The following SLC35F4 variants were observed in gnomAD, a reference collection of about 807,000 sequenced individuals.
The protein encoded by SLC35F4 is solute carrier family 35 member F4, also known as chromosome 14 open reading frame 36.
A neutral mutation model predicts 44.2 loss-of-function variants in SLC35F4; 24 were observed. The observed-to-expected ratio is 0.54, with a 90% confidence interval of 0.39 to 0.76. The LOEUF is 0.76. SLC35F4 is among the 30% of genes least tolerant of loss of function. SLC35F4 has a pLI of 0.00. For missense variants in SLC35F4, 562 were observed against 586.1 expected, an observed-to-expected ratio of 0.96 and a Z score of 0.42; for synonymous variants, 238 against 223.6, an observed-to-expected ratio of 1.06 and a Z score of -0.57.
chr14:57,861,634 T>C (rs1887685605), intron 1 of SLC35F4, among the ~76,000 whole-genome samples: 1 of 152,210 alleles, frequency 6.6e-6, no homozygotes, highest in African/African-American at 2.4e-5. Flanking sequence ...GTCAACATTC[T>C]TGTCAAGATC....
chr14:57,710,619 G>A (rs2075794147), intron 1 of SLC35F4, among the ~76,000 whole-genome samples: 1 of 152,176 alleles, frequency 6.6e-6, no homozygotes, highest in Non-Finnish European at 1.5e-5. Flanking sequence ...CAAAGACACA[G>A]GGGTGGAGCT....
At chr14:57,966,691 T>C (rs1263512614) in intron 1 of SLC35F4, among the ~76,000 whole-genome samples, 3 of 152,138 alleles carry the variant, frequency 2.0e-5, no homozygotes, top group Non-Finnish European at 2.9e-5. Flanking sequence ...AAATCTAAGA[T>C]CAGATTGGTG....
intron 1 of SLC35F4, among the ~76,000 whole-genome samples, chr14:57,670,555 G>A (rs1217645137): frequency 6.6e-6 from 1 of 151,992 alleles, no homozygotes; most frequent in Admixed American, 6.6e-5. Context: ...TGGTTTCAAA[G>A]AACATCTTTA....
intron 1 of SLC35F4, among the ~76,000 whole-genome samples, chr14:57,751,013 C>T (rs1594958195): frequency 6.6e-6 from 1 of 152,134 alleles, no homozygotes; most frequent in Admixed American, 6.5e-5. Flanking sequence ...ATCTAGCACA[C>T]GTTACTTACA....
At chr14:57,786,098 T>C (rs1164117020) in intron 1 of SLC35F4, among the ~76,000 whole-genome samples, 1 of 152,046 alleles carries the variant, frequency 6.6e-6, no homozygotes, top group Non-Finnish European at 1.5e-5. Context: ...GGAGTGAGAC[T>C]GGCCTTCAGT....
chr14:57,927,604 C>T (rs571464757), intron 1 of SLC35F4, among the ~76,000 whole-genome samples: 10 of 151,804 alleles, frequency 6.6e-5, no homozygotes, highest in African/African-American at 2.4e-4. Flanking sequence ...AATTCTCCTG[C>T]CTCAGCCTCC....
chr14:57,687,731 T>C (rs2075108692), intron 1 of SLC35F4, among the ~76,000 whole-genome samples: 1 of 152,176 alleles, frequency 6.6e-6, no homozygotes, highest in Admixed American at 6.6e-5. Context: ...GTTTACCTCC[T>C]TTACTGGCCT....
intron 1 of SLC35F4, among the ~76,000 whole-genome samples, chr14:57,965,359 AG>A (rs1890418712): frequency 6.6e-6 from 1 of 152,078 alleles, no homozygotes; most frequent in African/African-American, 2.4e-5. Flanking sequence ...TCTACTTTTA[AG>A]GACCTCTTGG....
intron 1 of SLC35F4, among the ~76,000 whole-genome samples, chr14:57,900,381 C>T (rs1888974919): frequency 1.3e-5 from 2 of 152,146 alleles, no homozygotes; most frequent in African/African-American, 4.8e-5. Context: ...TGGAGTGATA[C>T]ACCAATTTGT....
chr14:57,653,117 C>G (rs933527249), intron 1 of SLC35F4, among the ~76,000 whole-genome samples: 1 of 152,086 alleles, frequency 6.6e-6, no homozygotes, highest in African/African-American at 2.4e-5. Context: ...TTCAATATCA[C>G]AAAAGTCACA....
At chr14:57,625,435 G>C (rs1468852570) in intron 1 of SLC35F4, among the ~76,000 whole-genome samples, 1 of 152,092 alleles carries the variant, frequency 6.6e-6, no homozygotes, top group African/African-American at 2.4e-5. Flanking sequence ...TTTCTTGAAA[G>C]AATTGGAAAA....
intron 1 of SLC35F4, among the ~76,000 whole-genome samples, chr14:57,802,221 T>C (rs1252860896): frequency 6.6e-6 from 1 of 152,156 alleles, no homozygotes; most frequent in Non-Finnish European, 1.5e-5. Context: ...AACCTACTCC[T>C]GAATGATTCT....
At chr14:57,825,810 G>C (rs767070689) in intron 1 of SLC35F4, among the ~76,000 whole-genome samples, 2 of 152,138 alleles carry the variant, frequency 1.3e-5, no homozygotes, top group Non-Finnish European at 2.9e-5. Flanking sequence ...CAGATAACAA[G>C]GGAAGTAAAG....
At chr14:57,927,544 G>T (rs1375890697) in intron 1 of SLC35F4, among the ~76,000 whole-genome samples, 1 of 150,680 alleles carries the variant, frequency 6.6e-6, no homozygotes, top group Non-Finnish European at 1.5e-5. Context: ...AGGCTGGAGT[G>T]CAGTGTCATG....
chr14:57,924,343 A>G (rs7146418), intron 1 of SLC35F4, among the ~76,000 whole-genome samples: 21,366 of 152,142 alleles, frequency 0.14, 1,667 homozygotes, highest in Middle Eastern at 0.2. Context: ...TTGTCTACTC[A>G]TGGCTGAAGG....
intron 3 of SLC35F4, among the ~76,000 whole-genome samples, 196 bp downstream of exon 3, chr14:57,589,020 A>G (rs188414435): frequency 4.1e-4 from 63 of 152,338 alleles, no homozygotes; most frequent in Admixed American, 7.8e-4. Flanking sequence ...GCACCAGTAC[A>G]GTGCCTGGCA....
intron 1 of SLC35F4, among the ~76,000 whole-genome samples, chr14:57,757,474 G>A (rs1254727402): frequency 1.3e-5 from 2 of 151,980 alleles, no homozygotes; most frequent in Non-Finnish European, 2.9e-5. Flanking sequence ...GATGAAGTGA[G>A]TTTTTTAAAT....
chr14:57,819,900 T>C (rs534379547), intron 1 of SLC35F4, among the ~76,000 whole-genome samples: 2 of 151,964 alleles, frequency 1.3e-5, no homozygotes, highest in South Asian at 4.1e-4. Flanking sequence ...CTTAGGACTG[T>C]GTGGTATGGA....
At chr14:57,884,871 A>G (rs1888614555) in intron 1 of SLC35F4, among the ~76,000 whole-genome samples, 2 of 152,132 alleles carry the variant, frequency 1.3e-5, no homozygotes, top group South Asian at 4.1e-4. Flanking sequence ...GTTACAACAA[A>G]ACACAGAAGG....
Sources: gnomAD v4.1 joint callset for allele counts (sites outside exome capture counted in the v4.1 genomes callset) on GRCh38, gnomAD v4.1.1 for gene constraint, MANE v1.5 for transcripts, NCBI Gene and HGNC (gene_info 2026-07-23, HGNC 2026-07-21) for gene names.